Variants in RPRD1A observed in about 807,000 individuals in gnomAD.
The protein encoded by RPRD1A is regulation of nuclear pre-mRNA domain-containing protein 1A.
In RPRD1A, 9 loss-of-function variants were observed where a neutral mutation model predicts 37.8. The ratio of observed to expected loss-of-function variants is 0.24; its 90% CI spans 0.14 to 0.42. The LOEUF (loss-of-function observed/expected upper bound fraction) is 0.42. Ranked by LOEUF, RPRD1A falls within the 10% of genes least tolerant of loss-of-function variation. RPRD1A has a pLI of 1.00. For missense variants in RPRD1A, 255 were observed against 371.0 expected, an observed-to-expected ratio of 0.69 and a Z score of 2.57; for synonymous variants, 138 against 139.7, an observed-to-expected ratio of 0.99 and a Z score of 0.08.
rs772645009 is a variant in RPRD1A, at chr18:36,033,689, C to A, written c.281+19G>T. Reference sequence around the variant, plus strand: ...TACATTTAAAACAGATTACCTAATACCCAAAACTATGATCATACCTTGAAA... The same window carrying A: ...TACATTTAAAACAGATTACCTAATAACCAAAACTATGATCATACCTTGAAA... On this transcript the variant is annotated intron_variant, in intron 2 of 6. Transcript: ENST00000399022. 1.3e-6 allele frequency: 2 copies of A among 1,597,250 alleles called. No individual in the cohort carries two copies. Among genetic ancestry groups the A allele is most frequent in the Admixed American group, 1.8e-5 (1 of 56,650 alleles).
intron 6 of RPRD1A, among the ~76,000 whole-genome samples, chr18:36,001,798 A>T (rs1296715156): frequency 6.6e-6 from 1 of 152,204 alleles, no homozygotes; most frequent in Non-Finnish European, 1.5e-5. Context: ...GCAAACATTG[A>T]ACCCAACATT....
chr18:36,027,072 TTATC>T lies in RPRD1A; in HGVS notation c.614-1_616del. On this transcript the variant is annotated splice_acceptor_variant and coding_sequence_variant, in exon 6 of 7. Transcript: ENST00000399022. LOFTEE classifies it high-confidence loss of function. ...TTTGGAAAGCCTTTCTCCAGATTCT[TTATC>T]TAAGAAAAGCACGGGATAATAAAAT... The T allele has an allele frequency of 6.2e-7, 1 of 1,613,846 alleles. No homozygotes were observed. The highest frequency in any genetic ancestry group is 8.5e-7 in the Non-Finnish European group (1 of 1,179,790).
At chr18:36,057,051 C>CA (rs35428437) in intron 1 of RPRD1A, among the ~76,000 whole-genome samples, 4,445 of 44,698 alleles carry the variant, frequency 0.099, 873 homozygotes, top group East Asian at 0.19. Flanking sequence ...CCTGTTTCTA[C>CA]AAAAAAAAAA....
chr18:36,013,611 G>T (rs1329630097), intron 6 of RPRD1A, among the ~76,000 whole-genome samples: 2 of 152,156 alleles, frequency 1.3e-5, no homozygotes, highest in Non-Finnish European at 2.9e-5. Flanking sequence ...TTGTCCACGG[G>T]TGAACAGGAA....
In RPRD1A at chr18:36,023,352, T is replaced by A. The variant is rs567468177; in HGVS notation, c.789+3548A>T. ...CTTCAGTGGTGAAAATAACTGTAGA[T>A]CTGCTGCAAATAGCAAGAGAACGAG... On this transcript the variant is annotated intron_variant, in intron 6 of 6. Transcript: ENST00000399022. 6.3e-4 allele frequency among the ~76,000 whole-genome samples: 96 copies of A among 152,310 alleles called. No homozygotes were observed. The Middle Eastern group carries it at 0.014, about 22-fold the overall frequency.
rs997444086 is a variant in RPRD1A at position 36,066,288 on chromosome 18, G to A, written c.151+966C>T. ...TTTTGGCTCACATTTTGGCTGTTAC[G>A]TACATACATCATATAGCTTTCACAA... On this transcript the variant is annotated intron_variant, in intron 1 of 6. Transcript: ENST00000399022. 7.9e-5 allele frequency among the ~76,000 whole-genome samples: 12 copies of A among 152,302 alleles called. No homozygotes were observed. The East Asian group carries it at 1.7e-3, about 22-fold the overall frequency.
intron 6 of RPRD1A, among the ~76,000 whole-genome samples, chr18:36,022,266 G>C (rs1007733132): frequency 2.0e-5 from 3 of 152,236 alleles, no homozygotes. Context: ...TCGAAGTGCA[G>C]AGTGAAGCAG....
At chr18:36,020,996 T>C (rs1910957197) in intron 6 of RPRD1A, among the ~76,000 whole-genome samples, 1 of 152,226 alleles carries the variant, frequency 6.6e-6, no homozygotes, top group East Asian at 1.9e-4. Flanking sequence ...TTCCCTTTGA[T>C]GGAAATAATT....
At chr18:36,035,307 T>G (rs927895574) in intron 1 of RPRD1A, among the ~76,000 whole-genome samples, 1 of 143,062 alleles carries the variant, frequency 7.0e-6, no homozygotes, top group African/African-American at 2.6e-5. Context: ...AATGGGTACC[T>G]GAACAAACAA....
chr18:36,057,377 A>T (rs1359757585), intron 1 of RPRD1A, among the ~76,000 whole-genome samples: 1 of 152,050 alleles, frequency 6.6e-6, no homozygotes, highest in Non-Finnish European at 1.5e-5. Flanking sequence ...GGAGGCCAAA[A>T]CGGGAGGATC....
At chr18:36,008,354 G>C (rs554122239) in intron 6 of RPRD1A, among the ~76,000 whole-genome samples, 53 of 151,280 alleles carry the variant, frequency 3.5e-4, no homozygotes, top group African/African-American at 1.2e-3. Flanking sequence ...AAGGTGAGAG[G>C]ATCACTTGTG....
chr18:36,063,179 TA>T (rs1380779402), intron 1 of RPRD1A: 1 of 152,230 alleles, frequency 6.6e-6, no homozygotes, highest in East Asian at 1.9e-4. Flanking sequence ...TTCATTCTTA[TA>T]TTTTTTTGTT....
chr18:36,007,225 C>T (rs1440245304), intron 6 of RPRD1A, among the ~76,000 whole-genome samples: 1 of 152,122 alleles, frequency 6.6e-6, no homozygotes, highest in Non-Finnish European at 1.5e-5. Flanking sequence ...TCCTGAATGG[C>T]TTTTTTGAAG....
At chr18:36,025,012 C>CA (rs1043625497) in intron 6 of RPRD1A, 4 of 151,986 alleles carry the variant, frequency 2.6e-5, no homozygotes, top group Admixed American at 2.6e-4. Flanking sequence ...AGAAGAACAA[C>CA]AAAAAAAGTT....
At chr18:36,034,418 T>G (rs1912038749) in intron 1 of RPRD1A, among the ~76,000 whole-genome samples, 1 of 152,144 alleles carries the variant, frequency 6.6e-6, no homozygotes, top group African/African-American at 2.4e-5. Flanking sequence ...ATGACAAAAA[T>G]ATTCCCCTAC....
intron 6 of RPRD1A, among the ~76,000 whole-genome samples, chr18:36,001,188 G>C (rs1909394067): frequency 6.6e-6 from 1 of 152,166 alleles, no homozygotes; most frequent in Non-Finnish European, 1.5e-5. Flanking sequence ...AGTTCAACCA[G>C]AAAAGGTGCC....
chr18:36,043,706 AAAT>A (rs1224834493), intron 1 of RPRD1A, among the ~76,000 whole-genome samples: 1 of 151,618 alleles, frequency 6.6e-6, no homozygotes, highest in African/African-American at 2.4e-5. Flanking sequence ...AAATTGAAAG[AAAT>A]AATATTGACT....
In RPRD1A at chr18:36,030,665, G is replaced by A. The variant is rs903400740; in HGVS notation, c.486+143C>T. The A allele has an allele frequency of 6.8e-6, 4 of 587,312 alleles. No individual in the cohort carries two copies. In the African/African-American group the frequency reaches 7.5e-5, roughly 11 times the overall value. The allele number at this position is 587,312 out of a possible 1,614,324, so 36.4% of individuals were successfully genotyped here. A position where few individuals can be genotyped will look rare whatever the true frequency, so the allele number is the denominator to read the frequency against. On this transcript the variant is annotated intron_variant, in intron 4 of 6. Transcript: ENST00000399022. Reference sequence around the variant, plus strand: ...CATTTAACATAAGCAATTTGTTAATGAGGAAGAGATATTCATGTGGCTTCT... The same window carrying A: ...CATTTAACATAAGCAATTTGTTAATAAGGAAGAGATATTCATGTGGCTTCT...
At chr18:36,003,601 T>C (rs1177296429) in intron 6 of RPRD1A, among the ~76,000 whole-genome samples, 2 of 152,160 alleles carry the variant, frequency 1.3e-5, no homozygotes, top group South Asian at 2.1e-4. Flanking sequence ...TACTGATGGG[T>C]GAGTTTCAGA....
Sources: gnomAD v4.1 joint callset for allele counts (sites outside exome capture counted in the v4.1 genomes callset) on GRCh38, gnomAD v4.1.1 for gene constraint, MANE v1.5 for transcripts, NCBI Gene and HGNC (gene_info 2026-07-23, HGNC 2026-07-21) for gene names.